PHACTR3: variants seen among roughly 807,000 people sequenced by gnomAD.
PHACTR3 encodes protein phosphatase 1, regulatory subunit 123.
Under a neutral mutation model 66.8 loss-of-function variants are expected in PHACTR3, and 16 were observed. The observed-to-expected ratio is 0.24, with a 90% CI of 0.16 to 0.36. The LOEUF is 0.36. Ranked by LOEUF, PHACTR3 falls within the 10% of genes least tolerant of loss-of-function variation. The pLI is 1.00. For synonymous variants in PHACTR3, 323 were observed against 292.1 expected (o/e 1.11, Z -1.08); for missense variants, 647 against 719.9 (o/e 0.90, Z 1.16).
At chr20:59,777,596 A>G (rs766229896) in intron 7 of PHACTR3, among the ~76,000 whole-genome samples, 16 of 152,132 alleles carry the variant, frequency 1.1e-4, no homozygotes, top group Non-Finnish European at 1.8e-4. Flanking sequence ...TTCTATGACA[A>G]CACTGAACCT....
At chr20:59,718,900 GC>G (rs1274953550) in intron 1 of PHACTR3, among the ~76,000 whole-genome samples, 1 of 152,258 alleles carries the variant, frequency 6.6e-6, no homozygotes, top group Non-Finnish European at 1.5e-5. Context: ...CTACGCATGG[GC>G]GTGTTGTCAC....
At chr20:59,846,680 T>TTTAGGGTCTTTATACCAC (rs1420507293) in intron 12 of PHACTR3, among the ~76,000 whole-genome samples, 16 of 152,148 alleles carry the variant, frequency 1.1e-4, no homozygotes, top group African/African-American at 3.4e-4. Context: ...ACCCTAAAAT[T>TTTAGGGTCTTTATACCAC]ATTTCAACAA....
chr20:59,635,091 T>TTCTCTC (rs1424723529), intron 1 of PHACTR3, among the ~76,000 whole-genome samples: 6 of 143,332 alleles, frequency 4.2e-5, no homozygotes, highest in East Asian at 4.2e-4. Flanking sequence ...TTTTCTTTCT[T>TTCTCTC]TCTTTCTCTC....
intron 1 of PHACTR3, among the ~76,000 whole-genome samples, chr20:59,692,139 G>C (rs1475019019): frequency 2.6e-5 from 4 of 152,150 alleles, no homozygotes; most frequent in Admixed American, 6.5e-5. Context: ...CTTTCAGAGG[G>C]GTTGGCTTCA....
intron 1 of PHACTR3, among the ~76,000 whole-genome samples, chr20:59,725,409 G>A (rs2038527023): frequency 6.6e-6 from 1 of 151,904 alleles, no homozygotes; most frequent in Non-Finnish European, 1.5e-5. Context: ...ATCGGTATGA[G>A]CTTAGGTGGG....
rs374439195 is a variant in PHACTR3 at position 59,761,527 on chromosome 20, G to T, written c.542-5659G>T. Among the ~76,000 whole-genome samples, 3 of 152,238 alleles carry T rather than the reference G, an allele frequency of 2.0e-5. No individual in the cohort carries two copies. The East Asian group carries it at 5.8e-4, about 29-fold the overall frequency. ...TCAGTGGGTGGTAACTGGCTGCAAAGTGTGTCCCCTGCCCTGGTAGCCCTC... is the reference window on the plus strand; with the variant it reads ...TCAGTGGGTGGTAACTGGCTGCAAATTGTGTCCCCTGCCCTGGTAGCCCTC... On this transcript the variant is annotated intron_variant, in intron 4 of 12. Transcript: ENST00000371015.
chr20:59,609,094 A>G (rs1052372608), intron 1 of PHACTR3, among the ~76,000 whole-genome samples: 2 of 152,326 alleles, frequency 1.3e-5, no homozygotes, highest in South Asian at 2.1e-4. Flanking sequence ...GGATGGGGCC[A>G]GAGAGTGCTT....
intron 1 of PHACTR3, among the ~76,000 whole-genome samples, chr20:59,609,280 T>C (rs1038399029): frequency 6.6e-6 from 1 of 152,128 alleles, no homozygotes; most frequent in Non-Finnish European, 1.5e-5. Flanking sequence ...TGCTGGCCCC[T>C]TCCTCTTTTA....
intron 5 of PHACTR3, among the ~76,000 whole-genome samples, chr20:59,767,660 C>T (rs1224036464): frequency 2.0e-5 from 3 of 152,172 alleles, no homozygotes; most frequent in Non-Finnish European, 4.4e-5. Context: ...TGCCTAGGCT[C>T]CCTCAAGCAA....
chr20:59,753,351 C>T (rs535576962), intron 3 of PHACTR3, among the ~76,000 whole-genome samples: 18 of 152,202 alleles, frequency 1.2e-4, no homozygotes, highest in African/African-American at 3.9e-4. Flanking sequence ...TCATTCTCCC[C>T]GGAGGAGACG....
chr20:59,683,485 CTT>C (rs11478171), intron 1 of PHACTR3, among the ~76,000 whole-genome samples: 4,184 of 140,838 alleles, frequency 0.03, 75 homozygotes, highest in Middle Eastern at 0.057. Flanking sequence ...TAAACCAGGT[CTT>C]TTTTTTTTTT....
rs774695724 is a variant in PHACTR3, at chr20:59,830,004, C to T, written c.1329-6501C>T. On this transcript the variant is annotated intron_variant, in intron 8 of 12. Transcript: ENST00000371015. The surrounding 1 kb of genome is among the most constrained non-coding windows in gnomAD (Gnocchi z 5.8). Reference sequence around the variant, plus strand: ...CACTTCCTGAAATTACCTGCAGCCCCTGCTGCTGTGCTCATCATGCAGGAA... The same window carrying T: ...CACTTCCTGAAATTACCTGCAGCCCTTGCTGCTGTGCTCATCATGCAGGAA... Among the ~76,000 whole-genome samples the T allele has an allele frequency of 2.0e-5, 3 of 151,602 alleles. No individual in the cohort carries two copies. Among genetic ancestry groups the T allele is most frequent in the Admixed American group, 6.5e-5 (1 of 15,274 alleles).
At chr20:59,620,846 T>C (rs1295812988) in intron 1 of PHACTR3, among the ~76,000 whole-genome samples, 1 of 152,208 alleles carries the variant, frequency 6.6e-6, no homozygotes, top group Non-Finnish European at 1.5e-5. Context: ...TGTCTTTCCG[T>C]CATTTCTCTT....
chr20:59,762,985 A>G (rs987569820), intron 4 of PHACTR3, among the ~76,000 whole-genome samples: 4 of 152,194 alleles, frequency 2.6e-5, no homozygotes, highest in African/African-American at 9.7e-5. Flanking sequence ...GTCATGGAAC[A>G]CTGAACCTGG....
intron 1 of PHACTR3, among the ~76,000 whole-genome samples, chr20:59,635,272 T>C (rs1389104774): frequency 6.8e-6 from 1 of 147,282 alleles, no homozygotes; most frequent in African/African-American, 2.5e-5. Context: ...TTTGCTCTTG[T>C]TGCCCAGGCT....
intron 4 of PHACTR3, among the ~76,000 whole-genome samples, chr20:59,763,966 G>T (rs2040089414): frequency 6.6e-6 from 1 of 152,228 alleles, no homozygotes; most frequent in Non-Finnish European, 1.5e-5. Context: ...TTTCAAAGGA[G>T]CAGATAATTG....
intron 1 of PHACTR3, among the ~76,000 whole-genome samples, chr20:59,684,569 G>C (rs546930854): frequency 6.6e-6 from 1 of 152,194 alleles, no homozygotes; most frequent in Non-Finnish European, 1.5e-5. Context: ...GGAGTCTGCT[G>C]TCATAGGAAG....
intron 1 of PHACTR3, among the ~76,000 whole-genome samples, chr20:59,598,069 A>G (rs1454357455): frequency 1.3e-5 from 2 of 152,182 alleles, no homozygotes; most frequent in Non-Finnish European, 2.9e-5. Flanking sequence ...TGCTGACAAC[A>G]TACAAGATGG....
At chr20:59,636,324 A>C (rs576987778) in intron 1 of PHACTR3, among the ~76,000 whole-genome samples, 3 of 152,216 alleles carry the variant, frequency 2.0e-5, no homozygotes, top group Non-Finnish European at 4.4e-5. Flanking sequence ...ATGAGGGCCT[A>C]CTATGAGCTT....
Sources: allele counts gnomAD v4.1 joint callset (sites outside exome capture counted in the v4.1 genomes callset), GRCh38; gene constraint gnomAD v4.1.1; non-coding constraint Gnocchi (gnomAD v3.1); transcripts MANE v1.5; gene names NCBI Gene and HGNC (gene_info 2026-07-23, HGNC 2026-07-21).